The following MAP3K4 variants were observed in gnomAD, a reference collection of about 807,000 sequenced individuals.
MAP3K4 encodes MAP three kinase 1.
MAP3K4 carries 67 observed loss-of-function variants against 185.6 expected under a neutral mutation model. The ratio of observed to expected loss-of-function variants is 0.36; its 90% confidence interval spans 0.30 to 0.44. The LOEUF is 0.44. Among genes scored for constraint, MAP3K4 ranks in the 20% least tolerant of loss-of-function variants. MAP3K4 has a pLI of 1.00. For missense variants in MAP3K4, 1,551 were observed against 1,995.1 expected (o/e 0.78, Z 4.24); for synonymous variants, 702 against 710.4 (o/e 0.99, Z 0.19).
intron 3 of MAP3K4, among the ~76,000 whole-genome samples, chr6:161,050,279 T>C (rs930716289): frequency 6.6e-6 from 1 of 152,166 alleles, no homozygotes; most frequent in African/African-American, 2.4e-5. Context: ...AAAGCCATAG[T>C]CATGGATGAC....
At chr6:161,095,553 C>T (rs1426649702) in intron 15 of MAP3K4, among the ~76,000 whole-genome samples, 2 of 152,218 alleles carry the variant, frequency 1.3e-5, no homozygotes, top group Non-Finnish European at 2.9e-5. Context: ...AATGCATTCT[C>T]CCTGTACCTT....
At position 161,061,850 on chromosome 6, in the gene MAP3K4, C is replaced by T. The variant is rs1043297318; in HGVS notation, c.1708-8758C>T. On this transcript the variant is annotated intron_variant, in intron 3 of 26. Coordinates refer to ENST00000392142, the MANE Select transcript of MAP3K4 (RefSeq NM_005922.4). The surrounding 1 kb of genome is among the most constrained non-coding windows in gnomAD (Gnocchi z 4.2). ...TATGGCTATACCACGTTTTGTTGATCTATTCATAGATTTCTTAAAATTTTA... is the reference window on the plus strand; with the variant it reads ...TATGGCTATACCACGTTTTGTTGATTTATTCATAGATTTCTTAAAATTTTA... 1.3e-5 allele frequency among the ~76,000 whole-genome samples: 2 copies of T among 152,066 alleles called. No homozygotes were observed. Among genetic ancestry groups the T allele is most frequent in the East Asian group, 3.8e-4 (2 of 5,200 alleles).
rs1486309350 is a variant in MAP3K4, at chr6:161,109,866, G to A, written c.4348G>A (p.Ala1450Thr). Residue 1450 changes from alanine to threonine, a missense_variant, in exon 23 of 27, where the codon GCG becomes ACG. Around this residue, in one of 16 missense-constraint regions of MAP3K4, gnomAD observed 159 missense variants for 300.5 expected, o/e 0.53. Transcript: ENST00000392142. The surrounding 1 kb of genome is among the most constrained non-coding windows in gnomAD (Gnocchi z 5.7). Reference protein sequence around the residue: ...IRLYSKQITIAINVLHEHGIV... With the variant: ...IRLYSKQITITINVLHEHGIV... ...GCTGTATTCAAAGCAGATCACCATT[G>A]CGATCAACGTCCTCCATGAGCATGG... The A allele has an allele frequency of 6.2e-7, 1 of 1,613,956 alleles. No individual in the cohort carries two copies. The highest frequency in any genetic ancestry group is 8.5e-7 in the Non-Finnish European group (1 of 1,180,004).
At chr6:161,058,554 T>C (rs368900430) in intron 3 of MAP3K4, among the ~76,000 whole-genome samples, 1 of 152,206 alleles carries the variant, frequency 6.6e-6, no homozygotes, top group South Asian at 2.1e-4. Flanking sequence ...TTGGAGTATA[T>C]TTTTGAAGTC....
chr6:161,006,014 C>A (rs1363191727), intron 1 of MAP3K4, among the ~76,000 whole-genome samples: 1 of 152,170 alleles, frequency 6.6e-6, no homozygotes, highest in Non-Finnish European at 1.5e-5. Flanking sequence ...TTTCGAATTC[C>A]TGACCTCATG....
In MAP3K4 at chr6:161,045,499, G is replaced by A. The variant is rs145410440; in HGVS notation, c.344-3117G>A. Among the ~76,000 whole-genome samples, 575 of 152,166 alleles carry A rather than the reference G, an allele frequency of 3.8e-3. 4 individuals are homozygous for A. Among genetic ancestry groups the A allele is most frequent in the African/African-American group, 0.013 (542 of 41,502 alleles). On this transcript the variant is annotated intron_variant, in intron 2 of 26. Coordinates refer to ENST00000392142, the MANE Select transcript of MAP3K4 (RefSeq NM_005922.4). ...CATTTTTTCTTAGATTGCTTTCATT[G>A]TTGGAATAAAGGTCTAGGGTGAGAA...
rs770228919 is a variant in MAP3K4, at chr6:161,115,316, C to T, written c.4806+14C>T. 2.6e-5 allele frequency: 42 copies of T among 1,597,094 alleles called. No homozygotes were observed. Among genetic ancestry groups the T allele is most frequent in the Middle Eastern group, 3.3e-4 (2 of 5,982 alleles). ...TCGTTTGTCAAGGTTTGGCAGATTA[C>T]TGGATAGTCTTTTTCATGTTTAAGT... On this transcript the variant is annotated intron_variant, in intron 26 of 26. Transcript: ENST00000392142. This position sits in a 1 kb window ranked among gnomAD's most constrained non-coding sequence, Gnocchi z 6.0.
chr6:161,010,776 A>G (rs1781808511), intron 1 of MAP3K4, among the ~76,000 whole-genome samples: 1 of 152,258 alleles, frequency 6.6e-6, no homozygotes, highest in Non-Finnish European at 1.5e-5. Context: ...ACCTACTTGT[A>G]GGTTGCAATT....
intron 1 of MAP3K4, among the ~76,000 whole-genome samples, chr6:161,033,796 CAA>C (rs1487853465): frequency 3.9e-5 from 6 of 152,278 alleles, no homozygotes; most frequent in Admixed American, 2.6e-4. Context: ...CTGTGTGTTT[CAA>C]AGACAGAAAG....
rs1032013871 is a variant in MAP3K4, at chr6:161,017,200, G to A, written c.153-17059G>A. On this transcript the variant is annotated intron_variant, in intron 1 of 26. Transcript: ENST00000392142. This position sits in a 1 kb window ranked among gnomAD's most constrained non-coding sequence, Gnocchi z 5.1. ...AGTTAAAATTATTCTTGGTAGAGGAGGGATACATTTGTATAATTAAATGTA... is the reference window on the plus strand; with the variant it reads ...AGTTAAAATTATTCTTGGTAGAGGAAGGATACATTTGTATAATTAAATGTA... 6.6e-6 allele frequency among the ~76,000 whole-genome samples: 1 copy of A among 152,082 alleles called. No homozygotes were observed. The highest frequency in any genetic ancestry group is 1.5e-5 in the Non-Finnish European group (1 of 68,006).
rs1384671687 is a variant in MAP3K4, at chr6:161,108,181, A to T, written c.4119+212A>T. Among the ~76,000 whole-genome samples the T allele has an allele frequency of 6.6e-6, 1 of 152,252 alleles. No homozygotes were observed. The highest frequency in any genetic ancestry group is 1.5e-5 in the Non-Finnish European group (1 of 68,042). On this transcript the variant is annotated intron_variant, in intron 21 of 26. Transcript: ENST00000392142. The surrounding 1 kb of genome is among the most constrained non-coding windows in gnomAD (Gnocchi z 5.7). ...TTCCAGAGAGGATAATAAGTCACAG[A>T]CAGTTCTAACAGCACAGGTGTGAGA...
chr6:161,032,915 G>A (rs191752656), intron 1 of MAP3K4, among the ~76,000 whole-genome samples: 191 of 152,300 alleles, frequency 1.3e-3, no homozygotes, highest in Admixed American at 2.2e-3. Flanking sequence ...CTCTCATAAA[G>A]TATTTAGAGT....
In MAP3K4 at chr6:161,077,518, G is replaced by A. The variant is rs536101212; in HGVS notation, c.2098-3363G>A. On this transcript the variant is annotated intron_variant, in intron 5 of 26. Coordinates refer to ENST00000392142, the MANE Select transcript of MAP3K4 (RefSeq NM_005922.4). The surrounding 1 kb of genome is among the most constrained non-coding windows in gnomAD (Gnocchi z 4.3). ...AGGAGCCTGGCAAGAGCAAGGCACCGCAGGCAGCCTGTGGGGGCTCCAGCT... is the reference window on the plus strand; with the variant it reads ...AGGAGCCTGGCAAGAGCAAGGCACCACAGGCAGCCTGTGGGGGCTCCAGCT... Among the ~76,000 whole-genome samples the A allele has an allele frequency of 1.9e-3, 286 of 152,306 alleles. 1 individual carries two copies. Among genetic ancestry groups the A allele is most frequent in the Admixed American group, 4.4e-3 (67 of 15,306 alleles).
chr6:161,065,468 G>A (rs1302085081), intron 3 of MAP3K4, among the ~76,000 whole-genome samples: 4 of 152,084 alleles, frequency 2.6e-5, no homozygotes, highest in Admixed American at 6.6e-5. Flanking sequence ...CAAGATCCAG[G>A]CCTTTTCTTT....
Position 161,091,923 on chromosome 6 carries a change from G to T in MAP3K4, c.3136-87G>T. On this transcript the variant is annotated intron_variant, in intron 12 of 26. Transcript: ENST00000392142. The surrounding 1 kb of genome is among the most constrained non-coding windows in gnomAD (Gnocchi z 5.5). ...AATTGGATTTCACTTTTTGTTTTTA[G>T]AAAACATTTTAGACATGGCATTATA... 8.7e-7 allele frequency: 1 copy of T among 1,154,368 alleles called. No homozygotes were observed. The highest frequency in any genetic ancestry group is 1.6e-5 in the South Asian group (1 of 64,490). 71.5% of individuals were successfully genotyped at this position (1,154,368 alleles called of 1,614,324 possible).
At chr6:161,044,720 G>A (rs1004043476) in intron 2 of MAP3K4, among the ~76,000 whole-genome samples, 3 of 152,214 alleles carry the variant, frequency 2.0e-5, no homozygotes, top group African/African-American at 7.2e-5. Flanking sequence ...TTGGCTCATG[G>A]TTCTGTATGC....
chr6:161,047,648 A>C (rs137969597), intron 2 of MAP3K4, among the ~76,000 whole-genome samples: 74 of 152,328 alleles, frequency 4.9e-4, no homozygotes, highest in Admixed American at 7.2e-4. Context: ...ATCTAAGATT[A>C]GCACTTGGAG....
chr6:161,037,578 C>T lies in MAP3K4; in HGVS notation c.343+3129C>T, dbSNP rs942401154. ...GGACTACAGGCATGCGCCACCATGC[C>T]CGACTAATTTTGTATTTTTGGTAGA... On this transcript the variant is annotated intron_variant, in intron 2 of 26. Transcript: ENST00000392142. This position sits in a 1 kb window ranked among gnomAD's most constrained non-coding sequence, Gnocchi z 4.2. Among the ~76,000 whole-genome samples, 4 of 151,960 alleles carry T rather than the reference C, an allele frequency of 2.6e-5. No homozygotes were observed. The highest frequency in any genetic ancestry group is 9.7e-5 in the African/African-American group (4 of 41,398).
chr6:161,020,117 A>G (rs116443607), intron 1 of MAP3K4, among the ~76,000 whole-genome samples: 46 of 152,344 alleles, frequency 3.0e-4, no homozygotes, highest in African/African-American at 1.1e-3. Context: ...TCTGACACTT[A>G]TATCCTTTAG....
Sources: gnomAD v4.1 joint callset for allele counts (sites outside exome capture counted in the v4.1 genomes callset) on GRCh38, gnomAD v4.1.1 for gene constraint, gnomAD v4.1.1 regional missense constraint, Gnocchi (gnomAD v3.1) non-coding constraint, MANE v1.5 for transcripts, NCBI Gene and HGNC (gene_info 2026-07-23, HGNC 2026-07-21) for gene names.